Variants in PCDH9 observed in about 807,000 individuals in gnomAD.
PCDH9 encodes protocadherin-9.
A neutral mutation model predicts 70.6 loss-of-function variants in PCDH9; 24 were observed. The ratio of observed to expected loss-of-function variants is 0.34; its 90% CI spans 0.25 to 0.48. PCDH9 has a LOEUF of 0.48. PCDH9 is among the 20% of genes least tolerant of loss of function. The pLI, the probability that PCDH9 is intolerant of heterozygous loss-of-function variation, is 0.99. For missense variants in PCDH9, 1,281 were observed against 1,503.6 expected (o/e 0.85, Z 2.45); for synonymous variants, 562 against 558.5 (o/e 1.01, Z -0.09).
intron 2 of PCDH9, among the ~76,000 whole-genome samples, chr13:67,072,022 G>C (rs756204570): frequency 6.6e-6 from 1 of 151,948 alleles, no homozygotes; most frequent in African/African-American, 2.4e-5. Flanking sequence ...ACTGAAAGCT[G>C]TAGAGTTTTG....
intron 2 of PCDH9, among the ~76,000 whole-genome samples, chr13:67,009,128 C>G (rs574577451): frequency 1.6e-4 from 24 of 152,148 alleles, no homozygotes; most frequent in Non-Finnish European, 2.9e-4. Flanking sequence ...TCATCTCAAC[C>G]AACTTAGGGC....
intron 4 of PCDH9, among the ~76,000 whole-genome samples, chr13:66,515,219 A>G (rs1203375359): frequency 6.6e-6 from 1 of 152,084 alleles, no homozygotes; most frequent in Non-Finnish European, 1.5e-5. Context: ...CAAGTTACTC[A>G]CATTAACCTT....
chr13:66,872,661 T>C (rs76873483), intron 3 of PCDH9, among the ~76,000 whole-genome samples: 3,203 of 152,188 alleles, frequency 0.021, 113 homozygotes, highest in African/African-American at 0.073. Context: ...GTGAGAACAA[T>C]TGAATGCAAA....
chr13:66,640,484 T>C (rs893572956), intron 3 of PCDH9, among the ~76,000 whole-genome samples: 1 of 151,950 alleles, frequency 6.6e-6, no homozygotes, highest in Non-Finnish European at 1.5e-5. Flanking sequence ...CCTCAGACTA[T>C]GGCCAGACTG....
chr13:66,552,564 G>A (rs1193812832), intron 4 of PCDH9, among the ~76,000 whole-genome samples: 1 of 152,050 alleles, frequency 6.6e-6, no homozygotes, highest in African/African-American at 2.4e-5. Context: ...GTGTTGTTGA[G>A]GTAGTCAGTC....
chr13:67,184,516 C>T (rs2088698774), intron 2 of PCDH9, among the ~76,000 whole-genome samples: 1 of 152,062 alleles, frequency 6.6e-6, no homozygotes, highest in Non-Finnish European at 1.5e-5. Flanking sequence ...TCTCCTTGAG[C>T]TCAGAAATTC....
chr13:67,146,172 C>T (rs539893494), intron 2 of PCDH9, among the ~76,000 whole-genome samples: 55 of 152,154 alleles, frequency 3.6e-4, no homozygotes, highest in South Asian at 1.5e-3. Flanking sequence ...GAAATTCATG[C>T]TAAACAGTCT....
At chr13:66,802,662 A>C (rs1463773567) in intron 3 of PCDH9, among the ~76,000 whole-genome samples, 2 of 152,250 alleles carry the variant, frequency 1.3e-5, no homozygotes, top group East Asian at 3.9e-4. Flanking sequence ...ATTAAACTTT[A>C]AAAATTATAG....
intron 4 of PCDH9, among the ~76,000 whole-genome samples, chr13:66,476,756 T>C (rs1343620738): frequency 2.0e-5 from 3 of 151,934 alleles, no homozygotes; most frequent in Non-Finnish European, 4.4e-5. Context: ...TGTTTTAGTA[T>C]CACAAACCAG....
chr13:66,423,610 A>G (rs369668453), intron 4 of PCDH9, among the ~76,000 whole-genome samples: 3 of 152,018 alleles, frequency 2.0e-5, no homozygotes, highest in South Asian at 2.1e-4. Flanking sequence ...AGAAAAGGCC[A>G]TTGATAAAAT....
chr13:66,740,634 C>T (rs2079246941), intron 3 of PCDH9, among the ~76,000 whole-genome samples: 1 of 149,958 alleles, frequency 6.7e-6, no homozygotes, highest in Non-Finnish European at 1.5e-5. Flanking sequence ...ATCAAATAGA[C>T]ACAATAAAAA....
At chr13:66,839,621 T>G (rs2081082481) in intron 3 of PCDH9, among the ~76,000 whole-genome samples, 1 of 152,230 alleles carries the variant, frequency 6.6e-6, no homozygotes, top group Admixed American at 6.5e-5. Context: ...TTCTGCATTT[T>G]CAGATGTACT....
intron 4 of PCDH9, among the ~76,000 whole-genome samples, chr13:66,561,842 C>G (rs1446138709): frequency 6.6e-6 from 1 of 152,070 alleles, no homozygotes; most frequent in Non-Finnish European, 1.5e-5. Context: ...AGCAGGCTGC[C>G]CGAGTCAGCA....
intron 2 of PCDH9, among the ~76,000 whole-genome samples, chr13:67,113,914 G>A (rs2086709922): frequency 6.6e-6 from 1 of 152,152 alleles, no homozygotes; most frequent in African/African-American, 2.4e-5. Context: ...TCTTTTACCG[G>A]CTGGAGCTAA....
At chr13:66,961,517 G>A (rs1393792623) in intron 2 of PCDH9, among the ~76,000 whole-genome samples, 3 of 152,128 alleles carry the variant, frequency 2.0e-5, no homozygotes, top group Admixed American at 2.0e-4. Context: ...TGAAAGGCTG[G>A]GTATGGTGGC....
At chr13:67,142,365 A>T (rs1467935462) in intron 2 of PCDH9, among the ~76,000 whole-genome samples, 1 of 152,196 alleles carries the variant, frequency 6.6e-6, no homozygotes. Flanking sequence ...AAGGGCTCAA[A>T]CTGACTCTAT....
chr13:66,889,276 T>C (rs2082058374), intron 3 of PCDH9, among the ~76,000 whole-genome samples: 1 of 152,238 alleles, frequency 6.6e-6, no homozygotes, highest in African/African-American at 2.4e-5. Flanking sequence ...ATAGAATTTA[T>C]TGGGTCTTAT....
At chr13:67,008,078 T>C (rs2084386718) in intron 2 of PCDH9, among the ~76,000 whole-genome samples, 1 of 152,104 alleles carries the variant, frequency 6.6e-6, no homozygotes, top group African/African-American at 2.4e-5. Context: ...CTTAGAATAA[T>C]TTCTCATCAG....
intron 3 of PCDH9, among the ~76,000 whole-genome samples, chr13:66,745,073 T>G (rs1316060331): frequency 6.6e-6 from 1 of 152,162 alleles, no homozygotes; most frequent in Non-Finnish European, 1.5e-5. Context: ...TGAGCCTCAG[T>G]TTTCTCATCT....
Sources: allele counts gnomAD v4.1 joint callset (sites outside exome capture counted in the v4.1 genomes callset), GRCh38; gene constraint gnomAD v4.1.1; transcripts MANE v1.5; gene names NCBI Gene and HGNC (gene_info 2026-07-23, HGNC 2026-07-21).